Variants in MAF observed in about 807,000 individuals in gnomAD.
MAF encodes the protein MAF bZIP transcription factor.
A neutral mutation model predicts 22.0 loss-of-function variants in MAF; 10 were observed. The ratio of observed to expected loss-of-function variants is 0.45; its 90% CI spans 0.28 to 0.77. MAF has a LOEUF of 0.77. Ranked by LOEUF, MAF falls within the 30% of genes least tolerant of loss-of-function variation. MAF has a pLI of 0.12. For missense variants in MAF, 544 were observed against 548.4 expected, an observed-to-expected ratio of 0.99 and a Z score of 0.08; for synonymous variants, 337 against 255.8, an observed-to-expected ratio of 1.32 and a Z score of -3.03.
At chr16:79,518,062 C>T in the MAF span, among the ~76,000 whole-genome samples, 5 of 152,166 alleles carry the variant, frequency 3.3e-5, no homozygotes, top group East Asian at 1.9e-4. Context: ...CACTTGATGC[C>T]GGGCATCCTA....
chr16:79,245,110 A>C, the MAF span, among the ~76,000 whole-genome samples: 3 of 152,060 alleles, frequency 2.0e-5, no homozygotes, highest in Non-Finnish European at 4.4e-5. Context: ...AAACCCTAAG[A>C]ACCCTAGAAG....
At chr16:79,598,701 C>G (rs973995065) in intron 1 of MAF, 84 bp downstream of exon 1, 5 of 1,589,898 alleles carry the variant, frequency 3.1e-6, no homozygotes, top group Non-Finnish European at 3.4e-6. Flanking sequence ...GAGCATGGCT[C>G]TAGAACTAGC....
At chr16:79,215,387 G>A in the MAF span, among the ~76,000 whole-genome samples, 1 of 152,192 alleles carries the variant, frequency 6.6e-6, no homozygotes, top group Non-Finnish European at 1.5e-5. Context: ...ATCTTAGGCT[G>A]ATCAGAGAGG....
At chr16:79,523,599 A>C in the MAF span, among the ~76,000 whole-genome samples, 1 of 152,336 alleles carries the variant, frequency 6.6e-6, no homozygotes, top group East Asian at 1.9e-4. Flanking sequence ...TTAGTGAAGA[A>C]GACAGATGAG....
At chr16:79,344,221 T>C in the MAF span, among the ~76,000 whole-genome samples, 1 of 152,162 alleles carries the variant, frequency 6.6e-6, no homozygotes, top group Admixed American at 6.5e-5. Context: ...GGAGTCCTTC[T>C]ATTTACTTTG....
At chr16:79,385,353 A>G in the MAF span, among the ~76,000 whole-genome samples, 1 of 152,218 alleles carries the variant, frequency 6.6e-6, no homozygotes. Context: ...TCTAATATGA[A>G]TTTTGTCTCT....
chr16:79,459,157 G>A, the MAF span, among the ~76,000 whole-genome samples: 2 of 152,260 alleles, frequency 1.3e-5, no homozygotes, highest in East Asian at 1.9e-4. Context: ...GTTGATCAGA[G>A]GCAGAGCTGG....
At chr16:79,248,588 C>T in the MAF span, among the ~76,000 whole-genome samples, 6 of 152,190 alleles carry the variant, frequency 3.9e-5, no homozygotes, top group African/African-American at 1.4e-4. Context: ...TGAAGATTAA[C>T]TTAACTATCA....
the MAF span, among the ~76,000 whole-genome samples, chr16:79,443,056 C>A: frequency 6.6e-6 from 1 of 152,178 alleles, no homozygotes; most frequent in Admixed American, 6.5e-5. Context: ...TGGGGTCACA[C>A]AAGAAGGAGG....
At chr16:79,452,391 C>A in the MAF span, among the ~76,000 whole-genome samples, 1 of 152,144 alleles carries the variant, frequency 6.6e-6, no homozygotes, top group Non-Finnish European at 1.5e-5. Context: ...AAATAAAAGT[C>A]TATCTTATGA....
chr16:79,234,805 G>C, the MAF span, among the ~76,000 whole-genome samples: 1 of 152,100 alleles, frequency 6.6e-6, no homozygotes, highest in Non-Finnish European at 1.5e-5. Flanking sequence ...GGTAGGATCT[G>C]ATTCAGCCAC....
chr16:79,598,745 C>A, intron 1 of MAF, 40 bp downstream of exon 1: 1 of 1,613,300 alleles, frequency 6.2e-7, no homozygotes, highest in Non-Finnish European at 8.5e-7. Context: ...CCGCGGAGCA[C>A]TTATCAGGGT....
chr16:79,500,927 C>A, the MAF span, among the ~76,000 whole-genome samples: 1 of 152,156 alleles, frequency 6.6e-6, no homozygotes, highest in African/African-American at 2.4e-5. Context: ...GGAAAATTCA[C>A]CGCCATATTT....
chr16:79,376,110 G>GA, the MAF span, among the ~76,000 whole-genome samples: 12 of 147,582 alleles, frequency 8.1e-5, no homozygotes, highest in East Asian at 1.8e-3. Context: ...TTGTTGGAGA[G>GA]AAAAAAAAAA....
chr16:79,385,481 G>T, the MAF span, among the ~76,000 whole-genome samples: 1 of 152,174 alleles, frequency 6.6e-6, no homozygotes, highest in African/African-American at 2.4e-5. Context: ...GGTTGAAAGC[G>T]AAATAAAAAA....
At chr16:79,459,770 C>G in the MAF span, among the ~76,000 whole-genome samples, 2 of 152,040 alleles carry the variant, frequency 1.3e-5, no homozygotes, top group East Asian at 3.9e-4. Context: ...TGCCATGTTG[C>G]CCAGGTTGGT....
the MAF span, among the ~76,000 whole-genome samples, chr16:79,232,656 T>TA: frequency 6.6e-6 from 1 of 151,876 alleles, no homozygotes; most frequent in African/African-American, 2.4e-5. Context: ...TAAATCAAAA[T>TA]AAAAATAGTC....
the MAF span, among the ~76,000 whole-genome samples, chr16:79,274,412 C>A: frequency 6.6e-6 from 1 of 152,068 alleles, no homozygotes; most frequent in Non-Finnish European, 1.5e-5. Context: ...CCAGGAGAGG[C>A]CCAGCCATTT....
the MAF span, among the ~76,000 whole-genome samples, chr16:79,226,419 C>G: frequency 6.6e-6 from 1 of 152,020 alleles, no homozygotes; most frequent in African/African-American, 2.4e-5. Flanking sequence ...AGGAGACATA[C>G]CTAATGTAGA....
Sources: allele counts gnomAD v4.1 joint callset (sites outside exome capture counted in the v4.1 genomes callset), GRCh38; gene constraint gnomAD v4.1.1; transcripts MANE v1.5; gene names NCBI Gene and HGNC (gene_info 2026-07-23, HGNC 2026-07-21).